Variants in PCLO observed in about 807,000 individuals in gnomAD.
PCLO encodes the protein piccolo presynaptic cytomatrix protein, also known as protein piccolo.
A neutral mutation model predicts 427.5 loss-of-function variants in PCLO; 82 were observed. That is an observed-to-expected ratio of 0.19 (90% CI 0.16 to 0.23). The LOEUF is 0.23. Among genes scored for constraint, PCLO ranks in the 10% least tolerant of loss-of-function variants. The pLI is 1.00. For missense variants in PCLO, 6,239 were observed against 6,115.9 expected, an observed-to-expected ratio of 1.02 and a Z score of -0.67; for synonymous variants, 2,357 against 2,155.4, an observed-to-expected ratio of 1.09 and a Z score of -2.59.
intron 3 of PCLO, among the ~76,000 whole-genome samples, chr7:83,125,100 G>A (rs1212051702): frequency 4.4e-5 from 6 of 137,178 alleles, no homozygotes; most frequent in African/African-American, 1.0e-4. Flanking sequence ...ATCTCGGCTC[G>A]CTACAACCTC....
intron 6 of PCLO, among the ~76,000 whole-genome samples, chr7:82,922,068 T>TAAACA (rs762419208): frequency 4.0e-5 from 6 of 151,774 alleles, no homozygotes; most frequent in African/African-American, 4.8e-5. Flanking sequence ...TATTAAAAAG[T>TAAACA]AAACAAAACA....
At chr7:82,948,627 G>A (rs561351366) in intron 6 of PCLO, among the ~76,000 whole-genome samples, 1 of 152,190 alleles carries the variant, frequency 6.6e-6, no homozygotes, top group Non-Finnish European at 1.5e-5. Flanking sequence ...ATGTATATTA[G>A]ATTTTCTTAA....
At chr7:83,161,779 T>C (rs1792443321) in intron 1 of PCLO, among the ~76,000 whole-genome samples, 4 of 152,208 alleles carry the variant, frequency 2.6e-5, no homozygotes, top group Admixed American at 2.6e-4. Flanking sequence ...CACACATATT[T>C]TAGGGTTCCT....
chr7:82,998,328 A>G (rs1313400403), intron 3 of PCLO, among the ~76,000 whole-genome samples: 1 of 151,810 alleles, frequency 6.6e-6, no homozygotes, highest in African/African-American at 2.4e-5. Flanking sequence ...GGGGGAAAGG[A>G]AAAGGTGCCA....
chr7:83,151,368 G>A (rs1442948025), intron 2 of PCLO, among the ~76,000 whole-genome samples: 7 of 152,084 alleles, frequency 4.6e-5, no homozygotes, highest in African/African-American at 1.7e-4. Context: ...AAGATCATCT[G>A]TGTTGCCATA....
intron 4 of PCLO, among the ~76,000 whole-genome samples, chr7:82,959,098 G>A (rs953630252): frequency 2.0e-5 from 3 of 151,996 alleles, no homozygotes; most frequent in African/African-American, 4.8e-5. Flanking sequence ...ATGGAGTCAC[G>A]CTCTGTCACC....
chr7:82,859,873 T>G (rs1454424397), intron 10 of PCLO, among the ~76,000 whole-genome samples: 1 of 151,954 alleles, frequency 6.6e-6, no homozygotes, highest in Non-Finnish European at 1.5e-5. Context: ...TAATAGAGTA[T>G]GAAATAACTA....
intron 22 of PCLO, among the ~76,000 whole-genome samples, chr7:82,776,622 G>T (rs1020795439): frequency 6.6e-6 from 1 of 152,016 alleles, no homozygotes; most frequent in Non-Finnish European, 1.5e-5. Context: ...TGGTGAAACC[G>T]TGTCTCTACT....
chr7:82,774,877 T>C (rs1790716832), intron 22 of PCLO, among the ~76,000 whole-genome samples: 1 of 152,186 alleles, frequency 6.6e-6, no homozygotes, highest in African/African-American at 2.4e-5. Flanking sequence ...GCCCCCCAAG[T>C]CTTCTGTGTT....
intron 3 of PCLO, among the ~76,000 whole-genome samples, chr7:83,038,798 T>A (rs1279822767): frequency 1.3e-5 from 2 of 152,060 alleles, no homozygotes; most frequent in African/African-American, 2.4e-5. Context: ...TTTGAAGAAC[T>A]GTCAGATGGT....
chr7:83,077,362 T>A (rs1403217805), intron 3 of PCLO, among the ~76,000 whole-genome samples: 2 of 152,148 alleles, frequency 1.3e-5, no homozygotes, highest in African/African-American at 4.8e-5. Flanking sequence ...GGGGTCATCA[T>A]AAACTCATGA....
intron 2 of PCLO, among the ~76,000 whole-genome samples, chr7:83,138,458 C>G (rs540597070): frequency 6.6e-6 from 1 of 152,016 alleles, no homozygotes; most frequent in Non-Finnish European, 1.5e-5. Context: ...GTCAGGAGTT[C>G]GAGACCAGCC....
intron 3 of PCLO, among the ~76,000 whole-genome samples, chr7:82,979,658 T>C (rs1238740842): frequency 6.6e-6 from 1 of 152,178 alleles, no homozygotes; most frequent in Non-Finnish European, 1.5e-5. Context: ...TGAAGACTTA[T>C]TGGCCATTGA....
intron 22 of PCLO, among the ~76,000 whole-genome samples, chr7:82,786,898 T>C (rs1790996275): frequency 6.6e-6 from 1 of 152,192 alleles, no homozygotes; most frequent in Admixed American, 6.5e-5. Context: ...GCTTCATCCA[T>C]GTCCCTGCAA....
intron 3 of PCLO, among the ~76,000 whole-genome samples, chr7:83,028,946 C>T (rs1788582691): frequency 6.6e-6 from 1 of 151,918 alleles, no homozygotes; most frequent in African/African-American, 2.4e-5. Flanking sequence ...ACACCTTATA[C>T]AAAAATCAAT....
intron 16 of PCLO, among the ~76,000 whole-genome samples, chr7:82,833,355 G>C (rs1198650534): frequency 6.6e-6 from 1 of 152,072 alleles, no homozygotes; most frequent in Non-Finnish European, 1.5e-5. Flanking sequence ...AAACCAGAGC[G>C]AGGCCCTTCA....
chr7:82,811,133 A>G (rs1425806052), intron 20 of PCLO, among the ~76,000 whole-genome samples: 3 of 151,592 alleles, frequency 2.0e-5, no homozygotes, highest in African/African-American at 4.8e-5. Flanking sequence ...AGTAGTAAAT[A>G]TCTTCCTAGA....
chr7:82,860,558 G>C (rs1349981034), intron 10 of PCLO, among the ~76,000 whole-genome samples: 1 of 152,042 alleles, frequency 6.6e-6, no homozygotes, highest in Non-Finnish European at 1.5e-5. Context: ...AGATGCTAAA[G>C]GGGGTACACT....
rs74614330 is a variant in PCLO, at chr7:83,024,584, C to G, written c.3301-58097G>C. ...AGGTAAACAAAGCAGCCAGGAAGCT[C>G]GAACTGGGTGGAGCCCACCACAGCT... On this transcript the variant is annotated intron_variant, in intron 3 of 24. Coordinates refer to ENST00000333891, the MANE Select transcript of PCLO (RefSeq NM_033026.6). Among the ~76,000 whole-genome samples the G allele has an allele frequency of 1.5e-3, 231 of 152,294 alleles. 7 individuals are homozygous for G. The South Asian group carries it at 0.023, about 15-fold the overall frequency.
Sources: allele counts gnomAD v4.1 joint callset (sites outside exome capture counted in the v4.1 genomes callset), GRCh38; gene constraint gnomAD v4.1.1; transcripts MANE v1.5; gene names NCBI Gene and HGNC (gene_info 2026-07-23, HGNC 2026-07-21).